The following CLEC16A variants were observed in gnomAD, a reference collection of about 807,000 sequenced individuals.
CLEC16A encodes the protein protein CLEC16A.
In CLEC16A, 51 loss-of-function variants were observed where a neutral mutation model predicts 109.5. That is an observed-to-expected ratio of 0.47 (90% confidence interval 0.37 to 0.59). CLEC16A has a LOEUF of 0.59. CLEC16A is among the 20% of genes least tolerant of loss of function. The pLI is 0.00. For synonymous variants in CLEC16A, 673 were observed against 564.2 expected (o/e 1.19, Z -2.73); for missense variants, 1,339 against 1,394.0 (o/e 0.96, Z 0.63).
intron 22 of CLEC16A, 67 bp from the exon 23 acceptor site, chr16:11,166,321 C>A: frequency 1.3e-6 from 2 of 1,493,350 alleles, no homozygotes; most frequent in Non-Finnish European, 1.8e-6. Context: ...TTCAGTGGAA[C>A]CATGACATTG....
At chr16:10,972,689 C>A (rs890981776) in intron 6 of CLEC16A, 130 bp downstream of exon 6, 2 of 889,622 alleles carry the variant, frequency 2.2e-6, no homozygotes, top group Non-Finnish European at 1.8e-6. Flanking sequence ...CTCCCATGCA[C>A]CATTAATGTT....
intron 19 of CLEC16A, among the ~76,000 whole-genome samples, chr16:11,080,894 T>A (rs929388361): frequency 6.6e-6 from 1 of 152,236 alleles, no homozygotes; most frequent in African/African-American, 2.4e-5. Flanking sequence ...TTTGATTCAG[T>A]CACACCCATG....
intron 14 of CLEC16A, 171 bp downstream of exon 14, chr16:11,040,047 C>A: frequency 1.3e-6 from 1 of 752,282 alleles, no homozygotes. Context: ...CTCCTGCCTG[C>A]TGGGACTGTG....
intron 19 of CLEC16A, among the ~76,000 whole-genome samples, chr16:11,065,890 G>A (rs1412595746): frequency 6.6e-6 from 1 of 152,200 alleles, no homozygotes; most frequent in African/African-American, 2.4e-5. Context: ...GTCAGTGGCT[G>A]GGAAGAGCCA....
chr16:11,126,245 C>A, intron 22 of CLEC16A, 99 bp downstream of exon 22: 1 of 1,573,188 alleles, frequency 6.4e-7, no homozygotes, highest in East Asian at 2.4e-5. Flanking sequence ...CTTCCTCTCT[C>A]AGAAGCCCCG....
chr16:11,044,322 A>G (rs978596535), intron 16 of CLEC16A: 26 of 335,368 alleles, frequency 7.8e-5, no homozygotes, highest in African/African-American at 4.9e-4. Flanking sequence ...TCAGTAATAC[A>G]TGGATTTGGT....
Position 11,132,483 on chromosome 16 carries a change from G to A in CLEC16A, c.2641+6337G>A, listed in dbSNP as rs1346663239. On this transcript the variant is annotated intron_variant, in intron 22 of 23. Coordinates refer to ENST00000409790, the MANE Select transcript of CLEC16A (RefSeq NM_015226.3). ...ATCAATGCACATTTGGGCTGTGTCT[G>A]CCTTTTGGCTATTGTTGAATGGGTT... Among the ~76,000 whole-genome samples, 3 of 152,222 alleles carry A rather than the reference G, an allele frequency of 2.0e-5. No individual in the cohort carries two copies. The East Asian group carries it at 5.8e-4, about 29-fold the overall frequency.
chr16:11,138,179 T>TA (rs1179298772), intron 22 of CLEC16A, among the ~76,000 whole-genome samples: 2 of 152,216 alleles, frequency 1.3e-5, no homozygotes, highest in African/African-American at 2.4e-5. Flanking sequence ...AGCAAGCGTT[T>TA]ACTAAGGCCC....
chr16:11,115,013 G>A (rs1376926443), intron 19 of CLEC16A, among the ~76,000 whole-genome samples: 2 of 152,180 alleles, frequency 1.3e-5, no homozygotes, highest in African/African-American at 2.4e-5. Context: ...AAGCTGTTCC[G>A]TTCTGGGGTT....
intron 1 of CLEC16A, among the ~76,000 whole-genome samples, chr16:10,956,477 G>A (rs913921153): frequency 1.6e-4 from 25 of 152,150 alleles, no homozygotes; most frequent in African/African-American, 5.8e-4. Flanking sequence ...CAGGAGAGGA[G>A]GGCCCTTTTC....
At chr16:10,975,872 G>A (rs974642212) in intron 7 of CLEC16A, among the ~76,000 whole-genome samples, 9 of 151,902 alleles carry the variant, frequency 5.9e-5, no homozygotes, top group African/African-American at 1.7e-4. Flanking sequence ...GGCTGGTCTC[G>A]AACTCCTGAC....
intron 22 of CLEC16A, chr16:11,157,042 C>T (rs1292872601): frequency 1.5e-6 from 2 of 1,297,826 alleles, no homozygotes; most frequent in South Asian, 2.5e-5. Context: ...AGAGAGAAAG[C>T]AAGATACTGA....
intron 19 of CLEC16A, among the ~76,000 whole-genome samples, chr16:11,072,522 A>C (rs2049132147): frequency 6.6e-6 from 1 of 152,204 alleles, no homozygotes; most frequent in African/African-American, 2.4e-5. Context: ...CCAACATTTA[A>C]TAGATGGGGA....
intron 22 of CLEC16A, among the ~76,000 whole-genome samples, chr16:11,150,730 G>C (rs1167128042): frequency 6.6e-6 from 1 of 152,198 alleles, no homozygotes; most frequent in Non-Finnish European, 1.5e-5. Flanking sequence ...ATAAACAGCA[G>C]AAATTGATTG....
chr16:11,003,636 G>A (rs1206635825), intron 11 of CLEC16A, among the ~76,000 whole-genome samples: 1 of 152,188 alleles, frequency 6.6e-6, no homozygotes, highest in Non-Finnish European at 1.5e-5. Context: ...TATGTGCAAT[G>A]TGCTCCAAAC....
intron 19 of CLEC16A, among the ~76,000 whole-genome samples, chr16:11,073,226 T>C (rs545569044): frequency 3.9e-5 from 6 of 152,236 alleles, no homozygotes; most frequent in Admixed American, 1.3e-4. Flanking sequence ...GGGTCCCGTG[T>C]TTTTGTCTTT....
At chr16:11,069,549 T>C (rs1411160276) in intron 19 of CLEC16A, among the ~76,000 whole-genome samples, 1 of 152,084 alleles carries the variant, frequency 6.6e-6, no homozygotes. Context: ...ATCCTACTGC[T>C]GCCTCAGCCT....
At chr16:10,970,694 A>G (rs1345435594) in intron 4 of CLEC16A, among the ~76,000 whole-genome samples, 2 of 152,052 alleles carry the variant, frequency 1.3e-5, no homozygotes, top group Admixed American at 1.3e-4. Context: ...ATGAGCCACC[A>G]CTCCCAGCCA....
intron 16 of CLEC16A, among the ~76,000 whole-genome samples, chr16:11,045,794 T>G (rs2047606033): frequency 6.6e-6 from 1 of 152,214 alleles, no homozygotes; most frequent in Non-Finnish European, 1.5e-5. Context: ...CCCTGTACTT[T>G]CATTATTCAA....
Sources: gnomAD v4.1 joint callset for allele counts (sites outside exome capture counted in the v4.1 genomes callset) on GRCh38, gnomAD v4.1.1 for gene constraint, MANE v1.5 for transcripts, NCBI Gene and HGNC (gene_info 2026-07-23, HGNC 2026-07-21) for gene names.